Variants in MALRD1 observed in about 807,000 individuals in gnomAD.
MALRD1 encodes the protein MAM and LDL receptor class A domain containing 1, also known as MAM and LDL-receptor class A domain-containing protein 1.
MALRD1 carries 247 observed loss-of-function variants against 242.1 expected under a neutral mutation model. The observed-to-expected ratio is 1.02, with a 90% confidence interval of 0.92 to 1.13. The LOEUF (loss-of-function observed/expected upper bound fraction) is 1.13. MALRD1 is among the 50% of genes most tolerant of loss of function. MALRD1 has a pLI of 0.00. For missense variants in MALRD1, 2,989 were observed against 2,533.1 expected (o/e 1.18, Z -3.86); for synonymous variants, 995 against 866.6 (o/e 1.15, Z -2.60).
intron 34 of MALRD1, among the ~76,000 whole-genome samples, chr10:19,596,191 GTTAGGTAAGA>G (rs1298901727): frequency 6.6e-6 from 1 of 152,136 alleles, no homozygotes; most frequent in East Asian, 1.9e-4. Context: ...AAGGAAAAAT[GTTAGGTAAGA>G]AGTAATTACA....
chr10:19,185,541 G>A (rs1463962363), intron 14 of MALRD1, among the ~76,000 whole-genome samples: 1 of 152,080 alleles, frequency 6.6e-6, no homozygotes, highest in African/African-American at 2.4e-5. Flanking sequence ...AATCTTAGAT[G>A]CTGGTTATAT....
intron 29 of MALRD1, among the ~76,000 whole-genome samples, chr10:19,482,059 A>G (rs1473383867): frequency 6.6e-6 from 1 of 151,942 alleles, no homozygotes; most frequent in Non-Finnish European, 1.5e-5. Flanking sequence ...CTAGATGTAA[A>G]CACACTGTAC....
At chr10:19,639,424 G>C (rs1268097582) in intron 36 of MALRD1, among the ~76,000 whole-genome samples, 2 of 152,136 alleles carry the variant, frequency 1.3e-5, no homozygotes, top group African/African-American at 4.8e-5. Context: ...ACCACACGTG[G>C]AGATGCCATA....
At chr10:19,463,382 GCATCCTC>G (rs1436615941) in intron 29 of MALRD1, among the ~76,000 whole-genome samples, 8 of 5,714 alleles carry the variant, frequency 1.4e-3, no homozygotes, top group Admixed American at 2.6e-3. Context: ...ATGATACAAT[GCATCCTC>G]TGCATCCTCT....
At position 19,146,065 on chromosome 10, in the gene MALRD1, C is replaced by A. The variant is rs543499827; in HGVS notation, c.1412-133C>A. On this transcript the variant is annotated intron_variant, in intron 10 of 39. Transcript: ENST00000454679. Reference sequence around the variant, plus strand: ...GTGACTAGATAAAGGAAAGCTATTCCGATCATTAGAGAATATTCACTACCA... The same window carrying A: ...GTGACTAGATAAAGGAAAGCTATTCAGATCATTAGAGAATATTCACTACCA... 6 of 596,852 alleles carry A rather than the reference C, an allele frequency of 1.0e-5. No homozygotes were observed. In the African/African-American group the frequency reaches 1.2e-4, roughly 11 times the overall value. 37.0% of individuals were successfully genotyped at this position (596,852 alleles called of 1,614,324 possible).
At chr10:19,111,540 G>T (rs1001791774) in intron 5 of MALRD1, among the ~76,000 whole-genome samples, 2 of 152,190 alleles carry the variant, frequency 1.3e-5, no homozygotes, top group Admixed American at 6.5e-5. Flanking sequence ...AGACCTACAC[G>T]TATGACAGAG....
intron 30 of MALRD1, 137 bp downstream of exon 30, chr10:19,491,782 T>C: frequency 1.1e-6 from 1 of 909,976 alleles, no homozygotes; most frequent in Non-Finnish European, 1.6e-6. Flanking sequence ...AGCCCAAATA[T>C]TTCCCCAAAT....
chr10:19,305,977 T>C (rs1842156997), intron 21 of MALRD1, among the ~76,000 whole-genome samples: 1 of 126,188 alleles, frequency 7.9e-6, no homozygotes. Context: ...TACTATGCTA[T>C]ATATTATATA....
In MALRD1 at chr10:19,226,012, C is replaced by T. The variant is rs187985352; in HGVS notation, c.2991+16332C>T. Among the ~76,000 whole-genome samples, 10 of 152,216 alleles carry T rather than the reference C, an allele frequency of 6.6e-5. No homozygotes were observed. In the East Asian group the frequency reaches 7.7e-4, roughly 12 times the overall value. ...ACTGATGACAGAAGTAGATGTTTTA[C>T]GTGGATTCTCTCAATATCAGAAACA... On this transcript the variant is annotated intron_variant, in intron 18 of 39. Transcript: ENST00000454679.
rs564189281 is a variant in MALRD1, at chr10:19,696,701, G to T, written c.6314+4147G>T. ...ATGGGCAGATCACTTGAGGTCAGGAGTTCAAGACCAGCCTGGCCAACATGA... is the reference window on the plus strand; with the variant it reads ...ATGGGCAGATCACTTGAGGTCAGGATTTCAAGACCAGCCTGGCCAACATGA... On this transcript the variant is annotated intron_variant, in intron 38 of 39. Transcript: ENST00000454679. Among the ~76,000 whole-genome samples, 3 of 151,886 alleles carry T rather than the reference G, an allele frequency of 2.0e-5. 1 individual carries two copies. The South Asian group carries it at 6.2e-4, about 32-fold the overall frequency.
chr10:19,123,643 G>A (rs1837147552), intron 6 of MALRD1, 50 bp downstream of exon 6: 2 of 1,067,028 alleles, frequency 1.9e-6, no homozygotes, highest in African/African-American at 3.3e-5. Context: ...TGCAATATGT[G>A]AGACTCAGAC....
chr10:19,104,209 A>G (rs749980515), intron 5 of MALRD1, 134 bp downstream of exon 5: 45 of 465,092 alleles, frequency 9.7e-5, no homozygotes, highest in Non-Finnish European at 1.3e-4. Flanking sequence ...GTTCTAATAC[A>G]TTGTATAACA....
At chr10:19,476,827 C>T (rs1313116281) in intron 29 of MALRD1, among the ~76,000 whole-genome samples, 4 of 152,094 alleles carry the variant, frequency 2.6e-5, no homozygotes, top group East Asian at 1.9e-4. Flanking sequence ...ATAGAAGATT[C>T]GTGAGTCTTT....
chr10:19,182,939 G>T (rs770946538), intron 14 of MALRD1, among the ~76,000 whole-genome samples: 1 of 152,030 alleles, frequency 6.6e-6, no homozygotes, highest in Non-Finnish European at 1.5e-5. Context: ...TTTATAATCT[G>T]AAATGTATTA....
intron 32 of MALRD1, among the ~76,000 whole-genome samples, chr10:19,558,304 C>A (rs78673434): frequency 0.017 from 2,640 of 152,102 alleles, 49 homozygotes; most frequent in East Asian, 0.1. Context: ...GAGCACACAT[C>A]CTTGCTTGTT....
At chr10:19,208,084 ATTTT>A (rs5783658) in intron 17 of MALRD1, among the ~76,000 whole-genome samples, 2 of 149,244 alleles carry the variant, frequency 1.3e-5, no homozygotes, top group African/African-American at 4.9e-5. Flanking sequence ...TCCATTTCAC[ATTTT>A]TTTTTTTTTT....
chr10:19,108,397 T>TGTGTATA (rs1564396533), intron 5 of MALRD1, among the ~76,000 whole-genome samples: 12 of 13,040 alleles, frequency 9.2e-4, no homozygotes, highest in East Asian at 2.5e-3. Context: ...CTTTTTTTTT[T>TGTGTATA]TTTTTTTTTT....
chr10:19,124,473 C>G lies in MALRD1; in HGVS notation c.797-51C>G, dbSNP rs1054015019. Reference sequence around the variant, plus strand: ...GATTACAACACATAACTTGGTTAAGCAGCCACTCTAGCAGACTAATAGTCC... The same window carrying G: ...GATTACAACACATAACTTGGTTAAGGAGCCACTCTAGCAGACTAATAGTCC... On this transcript the variant is annotated intron_variant, in intron 6 of 39. Transcript: ENST00000454679. 14 of 1,230,864 alleles carry G rather than the reference C, an allele frequency of 1.1e-5. No homozygotes were observed. In the Admixed American group the frequency reaches 2.1e-4, roughly 19 times the overall value. The allele number at this position is 1,230,864 out of a possible 1,614,324, so 76.2% of individuals were successfully genotyped here.
At chr10:19,261,353 C>T (rs1395674572) in intron 19 of MALRD1, among the ~76,000 whole-genome samples, 1 of 151,168 alleles carries the variant, frequency 6.6e-6, no homozygotes, top group Non-Finnish European at 1.5e-5. Context: ...TGGGTCAAAA[C>T]CACAAGGCTT....
Sources: gnomAD v4.1 joint callset for allele counts (sites outside exome capture counted in the v4.1 genomes callset) on GRCh38, gnomAD v4.1.1 for gene constraint, MANE v1.5 for transcripts, NCBI Gene and HGNC (gene_info 2026-07-23, HGNC 2026-07-21) for gene names.